The following WWOX variants were observed in gnomAD, a reference collection of about 807,000 sequenced individuals.
WWOX encodes WW domain-containing oxidoreductase.
A neutral mutation model predicts 46.2 loss-of-function variants in WWOX; 69 were observed. The ratio of observed to expected loss-of-function variants is 1.49; its 90% CI spans 1.23 to 1.82. WWOX has a LOEUF of 1.82. WWOX is among the 40% of genes most tolerant of loss of function. The probability of loss-of-function intolerance (pLI) is 0.00; values close to 1 mark genes in which losing one functional copy is unlikely to be tolerated. For missense variants in WWOX, 919 were observed against 542.6 expected, an observed-to-expected ratio of 1.69 and a Z score of -6.89; for synonymous variants, 359 against 202.6, an observed-to-expected ratio of 1.77 and a Z score of -6.56.
chr16:78,375,292 C>T (rs192603202), intron 5 of WWOX, among the ~76,000 whole-genome samples: 9 of 152,296 alleles, frequency 5.9e-5, no homozygotes, highest in South Asian at 4.1e-4. Flanking sequence ...TCCGAGAGGC[C>T]GGCATTCAGC....
At chr16:78,676,983 A>G (rs1390176898) in intron 8 of WWOX, among the ~76,000 whole-genome samples, 2 of 152,274 alleles carry the variant, frequency 1.3e-5, no homozygotes, top group Admixed American at 6.5e-5. Context: ...ATTTTGCCAA[A>G]TGCATTTTTA....
chr16:78,523,826 C>T (rs1448723840), intron 8 of WWOX, among the ~76,000 whole-genome samples: 1 of 152,184 alleles, frequency 6.6e-6, no homozygotes, highest in Non-Finnish European at 1.5e-5. Flanking sequence ...CTTTAGGAGG[C>T]CCAGGCTCTC....
chr16:78,415,743 C>G (rs532036733), intron 6 of WWOX, among the ~76,000 whole-genome samples: 193 of 152,300 alleles, frequency 1.3e-3, no homozygotes, highest in African/African-American at 4.5e-3. Flanking sequence ...TGCCACCTCA[C>G]TCCACTCTTG....
intron 5 of WWOX, among the ~76,000 whole-genome samples, chr16:78,185,564 G>C (rs899885546): frequency 3.3e-5 from 5 of 152,004 alleles, no homozygotes; most frequent in Non-Finnish European, 5.9e-5. Context: ...TTCCCAGGGT[G>C]GTGCATCCTG....
chr16:78,708,717 C>G (rs2048376406), intron 8 of WWOX, among the ~76,000 whole-genome samples: 2 of 152,188 alleles, frequency 1.3e-5, no homozygotes, highest in Admixed American at 6.5e-5. Context: ...TTATTATTGT[C>G]CGCACTCCAA....
intron 5 of WWOX, among the ~76,000 whole-genome samples, chr16:78,212,221 G>T (rs969371498): frequency 6.6e-6 from 1 of 152,160 alleles, no homozygotes; most frequent in Non-Finnish European, 1.5e-5. Flanking sequence ...GTCACAGAAG[G>T]AAAGCTCACT....
intron 8 of WWOX, among the ~76,000 whole-genome samples, chr16:78,828,770 A>T (rs984074513): frequency 7.9e-5 from 12 of 152,112 alleles, no homozygotes; most frequent in Non-Finnish European, 7.4e-5. Flanking sequence ...CACAATTATT[A>T]TTTCTCTATT....
intron 5 of WWOX, among the ~76,000 whole-genome samples, chr16:78,212,888 G>A (rs1424096883): frequency 2.0e-5 from 3 of 152,140 alleles, no homozygotes; most frequent in African/African-American, 7.2e-5. Flanking sequence ...GGATCTCAGT[G>A]GCTTAGCATG....
chr16:78,391,691 T>C (rs935887342), intron 6 of WWOX, among the ~76,000 whole-genome samples: 8 of 152,024 alleles, frequency 5.3e-5, no homozygotes, highest in Admixed American at 3.9e-4. Flanking sequence ...GTACTAAAAA[T>C]ACAAAAATTA....
chr16:78,979,019 C>T (rs1455469901), intron 8 of WWOX, among the ~76,000 whole-genome samples: 1 of 152,022 alleles, frequency 6.6e-6, no homozygotes, highest in African/African-American at 2.4e-5. Flanking sequence ...CAGCATCGAC[C>T]TTCATCAGCA....
chr16:78,288,924 A>G (rs75683402), intron 5 of WWOX, among the ~76,000 whole-genome samples: 15,731 of 152,234 alleles, frequency 0.1, 1,091 homozygotes, highest in East Asian at 0.26. Context: ...GAACAACAAC[A>G]AAAAATTTTC....
chr16:78,240,905 G>C (rs1275474543), intron 5 of WWOX, among the ~76,000 whole-genome samples: 1 of 132,060 alleles, frequency 7.6e-6, no homozygotes, highest in Non-Finnish European at 1.7e-5. Context: ...GGCTGAGAGG[G>C]AGAGACTCCA....
At position 78,477,135 on chromosome 16, in the gene WWOX, G is replaced by A. The variant is rs768715782; in HGVS notation, c.1056+44383G>A. Among the ~76,000 whole-genome samples, 16 of 152,250 alleles carry A rather than the reference G, an allele frequency of 1.1e-4. 1 individual carries two copies. The highest frequency in any genetic ancestry group is 1.9e-4 in the African/African-American group (8 of 41,554). On this transcript the variant is annotated intron_variant, in intron 8 of 8. Transcript: ENST00000566780. ...TCTAAGCATAGATATTCCATAGCAC[G>A]TCTTACAATCTAAATATTGCTTTTA...
chr16:78,786,686 C>G (rs1258639820), intron 8 of WWOX, among the ~76,000 whole-genome samples: 5 of 152,164 alleles, frequency 3.3e-5, no homozygotes, highest in Admixed American at 6.5e-5. Context: ...AAAAGTAACT[C>G]TGTGCCCATA....
At chr16:79,199,984 C>G (rs114760517) in intron 8 of WWOX, among the ~76,000 whole-genome samples, 1 of 152,106 alleles carries the variant, frequency 6.6e-6, no homozygotes, top group African/African-American at 2.4e-5. Flanking sequence ...GCAGAGAGTT[C>G]CAATTGCAAC....
chr16:79,080,659 G>C (rs1035748888), intron 8 of WWOX, among the ~76,000 whole-genome samples: 1 of 152,042 alleles, frequency 6.6e-6, no homozygotes, highest in Admixed American at 6.6e-5. Context: ...ATCCGGCATC[G>C]GGGTCTTGTT....
At chr16:78,374,022 A>G (rs1327997238) in intron 5 of WWOX, among the ~76,000 whole-genome samples, 1 of 152,182 alleles carries the variant, frequency 6.6e-6, no homozygotes, top group Non-Finnish European at 1.5e-5. Flanking sequence ...CCTGACCTCA[A>G]GTGGTCTGCC....
At chr16:78,177,337 A>G (rs141200801) in intron 5 of WWOX, among the ~76,000 whole-genome samples, 2 of 152,182 alleles carry the variant, frequency 1.3e-5, no homozygotes, top group Non-Finnish European at 2.9e-5. Flanking sequence ...TGGGTGACAC[A>G]AGATAGTCTA....
intron 8 of WWOX, among the ~76,000 whole-genome samples, chr16:79,045,099 A>G (rs546039512): frequency 2.6e-5 from 4 of 152,184 alleles, no homozygotes; most frequent in African/African-American, 7.2e-5. Flanking sequence ...TTTTGCCTCA[A>G]ATTTTAGGCA....
Sources: allele counts gnomAD v4.1 joint callset (sites outside exome capture counted in the v4.1 genomes callset), GRCh38; gene constraint gnomAD v4.1.1; transcripts MANE v1.5; gene names NCBI Gene and HGNC (gene_info 2026-07-23, HGNC 2026-07-21).